Variants in MYO1F observed in about 807,000 individuals in gnomAD.
MYO1F encodes the protein unconventional myosin-If.
In MYO1F, 60 loss-of-function variants were observed where a neutral mutation model predicts 146.6. The observed-to-expected ratio is 0.41, with a 90% CI of 0.33 to 0.51. The LOEUF (loss-of-function observed/expected upper bound fraction) is 0.51, where lower values mean the gene tolerates loss of function less well. MYO1F is among the 20% of genes least tolerant of loss of function. The probability of loss-of-function intolerance (pLI) is 0.25; values close to 1 mark genes in which losing one functional copy is unlikely to be tolerated. For synonymous variants in MYO1F, 602 were observed against 602.1 expected (o/e 1.00, Z 0.00); for missense variants, 1,274 against 1,534.3 (o/e 0.83, Z 2.83).
At chr19:8,526,680 C>G in intron 23 of MYO1F, 79 bp from the exon 24 acceptor site, 5 of 1,538,870 alleles carry the variant, frequency 3.2e-6, no homozygotes, top group Non-Finnish European at 4.4e-6. Flanking sequence ...GGGGCAGGGG[C>G]GGGGCCGCGG....
At chr19:8,548,409 C>G in intron 10 of MYO1F, 92 bp from the exon 11 acceptor site, 1 of 1,173,122 alleles carries the variant, frequency 8.5e-7, no homozygotes, top group Non-Finnish European at 1.3e-6. Flanking sequence ...TAGCCAACTT[C>G]ATGGGTGATG....
chr19:8,521,680 G>T, intron 27 of MYO1F, 76 bp from the exon 28 acceptor site: 1 of 1,349,888 alleles, frequency 7.4e-7, no homozygotes, highest in Non-Finnish European at 1.1e-6. Context: ...TGTCCATCTT[G>T]TTCATGGGGA....
At chr19:8,547,874 G>A (rs1197534986) in intron 12 of MYO1F, 162 bp downstream of exon 12, 9 of 667,796 alleles carry the variant, frequency 1.3e-5, no homozygotes, top group Non-Finnish European at 2.4e-5. Flanking sequence ...AAGCTTTAGA[G>A]GCAGAAGGAA....
At chr19:8,564,577 C>A (rs1038125368) in intron 1 of MYO1F, among the ~76,000 whole-genome samples, 1 of 151,738 alleles carries the variant, frequency 6.6e-6, no homozygotes, top group Non-Finnish European at 1.5e-5. Context: ...CCAGATGGGA[C>A]GAGGGTGGGT....
rs200375822 is a variant in MYO1F, at chr19:8,530,494, A to C, written c.2123T>G (p.Val708Gly). 6.2e-7 allele frequency: 1 copy of C among 1,613,758 alleles called. No individual in the cohort carries two copies. Among genetic ancestry groups the C allele is most frequent in the South Asian group, 1.1e-5 (1 of 91,082 alleles). ...RTIQKAWRRH[V>G]AVRKYEEMRE... ...CATCTCCTCGTACTTCCGGACAGCC[A>C]CGTGGCGCCGCCAGGCCTTCTGGAT... The change falls in exon 20 of 28, where the codon GTG becomes GGG. Residue 708 changes from valine (V) to glycine (G), a missense_variant. By Grantham distance (109) the Val-to-Gly change is moderately radical. Transcript: ENST00000644032. The surrounding 1 kb of genome is among the most constrained non-coding windows in gnomAD (Gnocchi z 5.8).
chr19:8,525,820 C>A (rs554639650), intron 24 of MYO1F, among the ~76,000 whole-genome samples: 1 of 152,270 alleles, frequency 6.6e-6, no homozygotes, highest in East Asian at 1.9e-4. Flanking sequence ...CCAGGGTTGC[C>A]GCTCTGGCCG....
Position 8,522,792 on chromosome 19 carries a change from C to T in MYO1F, c.2892G>A (p.Gly964=), listed in dbSNP as rs1319020709. The T allele has an allele frequency of 1.9e-6, 3 of 1,596,586 alleles. No homozygotes were observed. Among genetic ancestry groups the T allele is most frequent in the African/African-American group, 1.3e-5 (1 of 74,480 alleles). Residue 964 remains glycine (G), a synonymous_variant, in exon 26 of 28, where the codon GGG becomes GGA. Transcript: ENST00000644032. ...ACATGATCTCCAGGGGCAGGGGGCCCCCTCTGGCAGAGGGGGGCACCCCAT... is the reference window on the plus strand; with the variant it reads ...ACATGATCTCCAGGGGCAGGGGGCCTCCTCTGGCAGAGGGGGGCACCCCAT... ...DRNGVPPSAR[G]GPLPLEIMSG...
intron 21 of MYO1F, among the ~76,000 whole-genome samples, chr19:8,529,320 G>A (rs1422714743): frequency 1.3e-5 from 2 of 152,014 alleles, no homozygotes; most frequent in East Asian, 3.9e-4. Context: ...TACCTGGCCC[G>A]CCCAGGTACA....
intron 1 of MYO1F, among the ~76,000 whole-genome samples, chr19:8,571,690 C>T (rs1038662589): frequency 1.5e-4 from 23 of 151,346 alleles, no homozygotes; most frequent in Admixed American, 1.2e-3. Context: ...CTCTGCCTCC[C>T]GAGTTCACGC....
chr19:8,563,708 C>G (rs779762135), intron 1 of MYO1F, among the ~76,000 whole-genome samples: 2 of 151,734 alleles, frequency 1.3e-5, no homozygotes, highest in Non-Finnish European at 2.9e-5. Flanking sequence ...GATGGGCTTT[C>G]ACTATGTTGG....
chr19:8,527,891 G>A (rs1316144208), intron 21 of MYO1F, among the ~76,000 whole-genome samples: 3 of 152,222 alleles, frequency 2.0e-5, no homozygotes, highest in Non-Finnish European at 4.4e-5. Flanking sequence ...GGGATTACAG[G>A]TGTGCGCCAC....
At chr19:8,552,320 G>A (rs151077254) in intron 6 of MYO1F, among the ~76,000 whole-genome samples, 156 bp from the exon 7 acceptor site, 247 of 151,938 alleles carry the variant, frequency 1.6e-3, no homozygotes, top group African/African-American at 5.5e-3. Context: ...ATTCAGTGGC[G>A]CAATGTCGGC....
Position 8,554,582 on chromosome 19 carries a change from A to C in MYO1F, c.232-11T>G. On this transcript the variant is annotated splice_polypyrimidine_tract_variant and intron_variant, in intron 3 of 27. Coordinates refer to ENST00000644032, the MANE Select transcript of MYO1F (RefSeq NM_012335.4). ...ATTCTCATACTGGGCCTGGCAGGGG[A>C]GGTCAGGTCTCAGCCCAGGGCTGGG... 6.2e-7 allele frequency: 1 copy of C among 1,611,680 alleles called. No individual in the cohort carries two copies. The highest frequency in any genetic ancestry group is 8.5e-7 in the Non-Finnish European group (1 of 1,178,050).
chr19:8,563,408 A>G (rs10406855), intron 1 of MYO1F, among the ~76,000 whole-genome samples: 72,779 of 149,614 alleles, frequency 0.49, 18,512 homozygotes, highest in East Asian at 0.68. Flanking sequence ...AGCGATTCTC[A>G]TGCCTCAGCC....
At chr19:8,531,129 C>T (rs1972471310) in intron 19 of MYO1F, among the ~76,000 whole-genome samples, 1 of 152,034 alleles carries the variant, frequency 6.6e-6, no homozygotes, top group Admixed American at 6.6e-5. Flanking sequence ...GGGAAGATCG[C>T]CTGAGGTCGG....
Position 8,530,464 on chromosome 19 carries a change from TCCCG to T in MYO1F, c.2149_2152del (p.Glu718LysfsTer7). On this transcript the variant is annotated frameshift_variant, in exon 20 of 28. Transcript: ENST00000644032. LOFTEE classifies it high-confidence loss of function. This position sits in a 1 kb window ranked among gnomAD's most constrained non-coding sequence, Gnocchi z 5.8. Reference sequence around the variant, plus strand: ...GTTTACCCGAAGCCTCTCACCTTCCTCCCGCATCTCCTCGTACTTCCGGACAGCC... The same window carrying T: ...GTTTACCCGAAGCCTCTCACCTTCCTCATCTCCTCGTACTTCCGGACAGCC... 2.5e-6 allele frequency: 4 copies of T among 1,613,774 alleles called. No homozygotes were observed. Among genetic ancestry groups the T allele is most frequent in the Non-Finnish European group, 3.4e-6 (4 of 1,180,008 alleles).
chr19:8,555,681 C>T lies in MYO1F; in HGVS notation c.119G>A (p.Arg40His), dbSNP rs1211592092. 6.2e-6 allele frequency: 10 copies of T among 1,614,052 alleles called. No individual in the cohort carries two copies. Among genetic ancestry groups the T allele is most frequent in the Admixed American group, 3.3e-5 (2 of 59,978 alleles). The change falls in exon 2 of 28, where the codon CGC becomes CAC. Residue 40 changes from arginine (R) to histidine (H), a missense_variant. Coordinates refer to ENST00000644032, the MANE Select transcript of MYO1F (RefSeq NM_012335.4). ...EDAIAANLRK[R>H]FMDDYIFTYI... is the part of the protein sequence containing the mutation. Reference sequence around the variant, plus strand: ...TACGAAGATGTAGTCGTCCATGAAGCGCTTCCGGAGGTTGGCGGCAATGGC... The same window carrying T: ...TACGAAGATGTAGTCGTCCATGAAGTGCTTCCGGAGGTTGGCGGCAATGGC...
rs148281976 is a variant in MYO1F, at chr19:8,536,967, C to A, written c.1781G>T (p.Arg594Leu). 3 of 1,612,226 alleles carry A rather than the reference C, an allele frequency of 1.9e-6. No homozygotes were observed. In the African/African-American group the frequency reaches 4.0e-5, roughly 22 times the overall value. Residue 594 changes from arginine (R) to leucine (L), a missense_variant, in exon 17 of 28, where the codon CGA (arginine) becomes CTA (leucine). By Grantham distance (102) the Arg-to-Leu change is moderately radical. Transcript: ENST00000644032. ...GGATCACCTGTTCTCCTCCCAGTCT[C>A]GGGGCCTCTTGGTCTCGTTGGGTTT... Reference protein sequence around the residue: ...CIKPNETKRPRDWEENRVKHQ... With the variant: ...CIKPNETKRPLDWEENRVKHQ...
Position 8,522,563 on chromosome 19 carries a change from T to A in MYO1F, c.3051-17A>T. On this transcript the variant is annotated splice_polypyrimidine_tract_variant and intron_variant, in intron 26 of 27. Transcript: ENST00000644032. ...CTCTGCATGCTGTGGGCACAGGGGG[T>A]TTGAGTCACAGCCCCAGACACTCCC... 6.2e-7 allele frequency: 1 copy of A among 1,609,762 alleles called. No homozygotes were observed. Among genetic ancestry groups the A allele is most frequent in the Non-Finnish European group, 8.5e-7 (1 of 1,178,458 alleles).
Sources: gnomAD v4.1 joint callset for allele counts (sites outside exome capture counted in the v4.1 genomes callset) on GRCh38, gnomAD v4.1.1 for gene constraint, Gnocchi (gnomAD v3.1) non-coding constraint, MANE v1.5 for transcripts, NCBI Gene and HGNC (gene_info 2026-07-23, HGNC 2026-07-21) for gene names.